The following MST1 variants were observed in gnomAD, a reference collection of about 807,000 sequenced individuals.
MST1 encodes macrophage stimulating 1, also known as hepatocyte growth factor-like protein.
Under a neutral mutation model 100.1 loss-of-function variants are expected in MST1, and 76 were observed. The ratio of observed to expected loss-of-function variants is 0.76; its 90% CI spans 0.63 to 0.92. The LOEUF is 0.92. Among genes scored for constraint, MST1 ranks in the 40% least tolerant of loss-of-function variants. The pLI is 0.00. For synonymous variants in MST1, 352 were observed against 385.4 expected, an observed-to-expected ratio of 0.91 and a Z score of 1.01; for missense variants, 850 against 990.0, an observed-to-expected ratio of 0.86 and a Z score of 1.90.
chr3:49,689,032 G>C lies in MST1; in HGVS notation c.-341C>G, dbSNP rs2054035947. 5.5e-6 allele frequency: 1 copy of C among 183,078 alleles called. No individual in the cohort carries two copies. Among genetic ancestry groups the C allele is most frequent in the Non-Finnish European group, 1.1e-5 (1 of 87,622 alleles). 11.3% of individuals were successfully genotyped at this position (183,078 alleles called of 1,614,324 possible). On this transcript the variant is annotated 5_prime_UTR_variant, in exon 1 of 18. Transcript: ENST00000449682. ...TTTCGGTTTTTCCCTGTAAATTGGG[G>C]AAAATTACTTGCCCCAGCTTCAACA...
rs1385538932 is a variant in MST1 at position 49,685,977 on chromosome 3, G to C, written c.1148-15C>G. On this transcript the variant is annotated splice_polypyrimidine_tract_variant and intron_variant, in intron 9 of 17. Coordinates refer to ENST00000449682, the MANE Select transcript of MST1 (RefSeq NM_020998.4). The stretch of plus-strand genomic sequence containing the variant: ...GTGGTAGCAGTCTGTGGCGGGTGCG[G>C]GCAGCCATCAGGCCGAGACCTCGCC... The C allele has an allele frequency of 6.2e-7, 1 of 1,604,400 alleles. No homozygotes were observed. The highest frequency in any genetic ancestry group is 1.7e-5 in the Admixed American group (1 of 59,458).
intron 13 of MST1, 26 bp from the exon 14 acceptor site, chr3:49,685,115 G>A (rs746068925): frequency 1.1e-5 from 18 of 1,607,582 alleles, no homozygotes; most frequent in Non-Finnish European, 1.5e-5. Flanking sequence ...ATTAGGACAG[G>A]TAACAGACTC....
chr3:49,686,405 T>A lies in MST1; in HGVS notation c.924A>T (p.Thr308=), dbSNP rs1423829378. The change falls in exon 8 of 18, where the codon ACA becomes ACT. Residue 308 remains threonine, a synonymous_variant. Coordinates refer to ENST00000449682, the MANE Select transcript of MST1 (RefSeq NM_020998.4). ...FRGKGEGYRG[T]ANTTTAGVPC... ...GTACGCCCGCAGTGGTGGTATTGGCTGTGCCCCGGTAGCCCTCACCCTTCC... is the reference window on the plus strand; with the variant it reads ...GTACGCCCGCAGTGGTGGTATTGGCAGTGCCCCGGTAGCCCTCACCCTTCC... 6.2e-7 allele frequency: 1 copy of A among 1,611,734 alleles called. No homozygotes were observed. The highest frequency in any genetic ancestry group is 8.5e-7 in the Non-Finnish European group (1 of 1,179,542).
chr3:49,686,289 G>GGGGGGGGGGGGGCCCCCCCCCCCCCC, intron 8 of MST1, 24 bp downstream of exon 8: 1 of 1,235,666 alleles, frequency 8.1e-7, no homozygotes. Context: ...ACGTCCCAAC[G>GGGGGGGGGGGGGCCCCCCCCCCCCCC]CCCGCCCCCC....
chr3:49,688,072 A>T, intron 1 of MST1, 175 bp from the exon 2 acceptor site: 1 of 1,106,430 alleles, frequency 9.0e-7, no homozygotes. Context: ...TGTGAAAAAA[A>T]TTTCCCCTGG....
chr3:49,688,614 T>C lies in MST1; in HGVS notation c.78A>G (p.Gln26=), dbSNP rs776496760. ...GGCACTTACCAGGGACCCCTAAGCA[T>C]TGAGTCAGAAGCAGCAGGAGTGGGA... ...GWLPLLLLLT[Q]CLGVPGQRSP... Residue 26 remains glutamine, a synonymous_variant, in exon 1 of 18, where the codon CAA becomes CAG. Coordinates refer to ENST00000449682, the MANE Select transcript of MST1 (RefSeq NM_020998.4). 4 of 1,612,338 alleles carry C rather than the reference T, an allele frequency of 2.5e-6. No homozygotes were observed. Among genetic ancestry groups the C allele is most frequent in the South Asian group, 2.2e-5 (2 of 90,612 alleles).
chr3:49,685,378 C>T lies in MST1; in HGVS notation c.1428G>A (p.Gln476=). ...QPPSILDPPD[Q]VQFEKCGKRV... ...TCTTGCCACACTTCTCAAACTGCAC[C>T]TGGTCTGTAGGATGGGGTGGGCTGG... Residue 476 remains glutamine (Q), a synonymous_variant, in exon 13 of 18, where the codon CAG becomes CAA. Coordinates refer to ENST00000449682, the MANE Select transcript of MST1 (RefSeq NM_020998.4). 1 of 1,613,720 alleles carries T rather than the reference C, an allele frequency of 6.2e-7. No individual in the cohort carries two copies.
Position 49,687,626 on chromosome 3 carries a change from C to T in MST1, c.285G>A (p.Leu95=). 1 of 1,613,594 alleles carries T rather than the reference C, an allele frequency of 6.2e-7. No homozygotes were observed. The highest frequency in any genetic ancestry group is 8.5e-7 in the Non-Finnish European group (1 of 1,179,874). ...TGTGGGGCGAGTGTTGAGTCCATGGCAGCAGTTGGCAACCATGGCTGCTCA... is the reference window on the plus strand; with the variant it reads ...TGTGGGGCGAGTGTTGAGTCCATGGTAGCAGTTGGCAACCATGGCTGCTCA... ...YNVSSHGCQL[L]PWTQHSPHTR... The change falls in exon 3 of 18, where the codon CTG becomes CTA. Residue 95 remains leucine (L), a synonymous_variant. Coordinates refer to ENST00000449682, the MANE Select transcript of MST1 (RefSeq NM_020998.4).
chr3:49,687,617 A>G lies in MST1; in HGVS notation c.294T>C (p.Thr98=). 1.2e-6 allele frequency: 2 copies of G among 1,613,582 alleles called. No individual in the cohort carries two copies. Among genetic ancestry groups the G allele is most frequent in the Non-Finnish European group, 1.7e-6 (2 of 1,179,870 alleles). ...SSHGCQLLPW[T]QHSPHTRLRR... is the part of the protein sequence containing the mutation. Reference sequence around the variant, plus strand: ...GCAGCCTCGTGTGGGGCGAGTGTTGAGTCCATGGCAGCAGTTGGCAACCAT... The same window carrying G: ...GCAGCCTCGTGTGGGGCGAGTGTTGGGTCCATGGCAGCAGTTGGCAACCAT... Residue 98 remains threonine (T), a synonymous_variant, in exon 3 of 18, where the codon ACT becomes ACC. Transcript: ENST00000449682.
chr3:49,686,424 C>T lies in MST1; in HGVS notation c.905G>A (p.Gly302Asp), dbSNP rs756688093. The change falls in exon 8 of 18, where the codon GGT becomes GAT. Residue 302 changes from glycine (G) to aspartate (D), a missense_variant. Around this residue, in one of 2 missense-constraint regions of MST1, gnomAD observed 816 missense variants for 924.6 expected, o/e 0.88. Coordinates refer to ENST00000449682, the MANE Select transcript of MST1 (RefSeq NM_020998.4). ...ATTVSCFRGK[G>D]EGYRGTANTT... Reference sequence around the variant, plus strand: ...ATTGGCTGTGCCCCGGTAGCCCTCACCCTTCCCGCGGAAGCAGCTGACAGT... The same window carrying T: ...ATTGGCTGTGCCCCGGTAGCCCTCATCCTTCCCGCGGAAGCAGCTGACAGT... 5.6e-6 allele frequency: 9 copies of T among 1,612,748 alleles called. No individual in the cohort carries two copies. In the East Asian group the frequency reaches 1.8e-4, roughly 32 times the overall value.
chr3:49,684,469 T>C lies in MST1; in HGVS notation c.1877-16A>G, dbSNP rs1230247681. 1.9e-6 allele frequency: 3 copies of C among 1,613,490 alleles called. No homozygotes were observed. Among genetic ancestry groups the C allele is most frequent in the Non-Finnish European group, 1.7e-6 (2 of 1,179,850 alleles). Reference sequence around the variant, plus strand: ...TTACCCGTACCTGCAGTGAGGGGAATGGGGAGAGGGAGAGGGTCCTGCAGG... The same window carrying C: ...TTACCCGTACCTGCAGTGAGGGGAACGGGGAGAGGGAGAGGGTCCTGCAGG... On this transcript the variant is annotated splice_polypyrimidine_tract_variant and intron_variant, in intron 16 of 17. Transcript: ENST00000449682.
Position 49,686,328 on chromosome 3 carries a change from T to G in MST1, c.1001A>C (p.Glu334Ala), listed in dbSNP as rs1222001252. Residue 334 changes from glutamate (E) to alanine (A), a missense_variant, in exon 8 of 18, where the codon GAA (glutamate) becomes GCA (alanine). Transcript: ENST00000449682. ...CCCACCTCACTTGCACGCGTATTTTTCTGGCGTAAATCGGTGCTGATGCGG... is the reference window on the plus strand; with the variant it reads ...CCCACCTCACTTGCACGCGTATTTTGCTGGCGTAAATCGGTGCTGATGCGG... ...QIPHQHRFTP[E>A]KYACKDLREN... The G allele has an allele frequency of 6.6e-7, 1 of 1,512,768 alleles. No homozygotes were observed. The highest frequency in any genetic ancestry group is 1.6e-5 in the African/African-American group (1 of 62,132). 93.7% of individuals were successfully genotyped at this position (1,512,768 alleles called of 1,614,324 possible). A position where few individuals can be genotyped will look rare whatever the true frequency, so the allele number is the denominator to read the frequency against.
At chr3:49,686,584 T>C (rs2053777606) in intron 7 of MST1, 100 bp downstream of exon 7, 3 of 1,553,818 alleles carry the variant, frequency 1.9e-6, no homozygotes, top group Non-Finnish European at 2.6e-6. Flanking sequence ...CCACGGGGTA[T>C]GCTCTCAGGT....
chr3:49,686,399 A>G lies in MST1; in HGVS notation c.930T>C (p.Asn310=), dbSNP rs774126252. ...GKGEGYRGTA[N]TTTAGVPCQR... is the part of the protein sequence containing the mutation. ...GGCAAGGTACGCCCGCAGTGGTGGT[A>G]TTGGCTGTGCCCCGGTAGCCCTCAC... The change falls in exon 8 of 18, where the codon AAT becomes AAC. Residue 310 remains asparagine, a synonymous_variant. Coordinates refer to ENST00000449682, the MANE Select transcript of MST1 (RefSeq NM_020998.4). 6.2e-7 allele frequency: 1 copy of G among 1,607,996 alleles called. No homozygotes were observed. Among genetic ancestry groups the G allele is most frequent in the African/African-American group, 1.4e-5 (1 of 73,278 alleles).
In MST1 at chr3:49,684,575, C is replaced by T. The variant is rs937123441; in HGVS notation, c.1851G>A (p.Glu617=). Residue 617 remains glutamate (E), a synonymous_variant, in exon 16 of 18, where the codon GAG becomes GAA. Transcript: ENST00000449682. The part of the protein sequence containing the change: ...WYVVPPGTKC[E]IAGWGETKGT... ...CTTTGGTCTCACCCCAGCCTGCAAT[C>T]TCACACTTGGTCCCTGGAGGCACCA... is the stretch of plus-strand genomic sequence containing the variant. The T allele has an allele frequency of 6.2e-7, 1 of 1,613,702 alleles. No homozygotes were observed.
In MST1 at chr3:49,685,602, G is replaced by T. The variant is rs774954638; in HGVS notation, c.1381C>A (p.Arg461Ser). 1.2e-5 allele frequency: 19 copies of T among 1,613,236 alleles called. No homozygotes were observed. In the South Asian group the frequency reaches 2.1e-4, roughly 18 times the overall value. Reference sequence around the variant, plus strand: ...AAGCGTCACTAGTGCTCACCGCAGCGTCGCAGGGCACAGTAGTCGAATGGG... The same window carrying T: ...AAGCGTCACTAGTGCTCACCGCAGCTTCGCAGGGCACAGTAGTCGAATGGG... ...RTPFDYCALRRCADDQPPSIL... is the reference protein window; with the variant it reads ...RTPFDYCALRSCADDQPPSIL... The change falls in exon 11 of 18, where the codon CGC (arginine) becomes AGC (serine). Residue 461 changes from arginine to serine, a missense_variant. Physicochemically the swap from Arg to Ser is moderately radical, Grantham distance 110. Transcript: ENST00000449682.
chr3:49,684,280 C>A, intron 17 of MST1, 34 bp downstream of exon 17: 7 of 1,612,028 alleles, frequency 4.3e-6, no homozygotes, highest in Non-Finnish European at 5.9e-6. Context: ...CCCCCCATAC[C>A]CTTCCAGGGC....
rs757309959 is a variant in MST1 at position 49,687,549 on chromosome 3, C to A, written c.355+7G>T. ...CTCCCACCCTGCCCCTCTCCACCCC[C>A]ACTTGCCTTTCTTCTGGAAGAGGTC... On this transcript the variant is annotated splice_region_variant and intron_variant, in intron 3 of 17. Coordinates refer to ENST00000449682, the MANE Select transcript of MST1 (RefSeq NM_020998.4). 8.1e-6 allele frequency: 13 copies of A among 1,613,518 alleles called. No individual in the cohort carries two copies. The highest frequency in any genetic ancestry group is 1.7e-5 in the Admixed American group (1 of 60,026).
rs778609573 is a variant in MST1, at chr3:49,686,207, C to T, written c.1017-15G>A. ...CCCGAAGGTCTCTAAGCAGGCGCTC[C>T]ACTCAGCCCTAGCCCGCCAGCCTCC... On this transcript the variant is annotated splice_polypyrimidine_tract_variant and intron_variant, in intron 8 of 17. Transcript: ENST00000449682. 41 of 1,610,808 alleles carry T rather than the reference C, an allele frequency of 2.5e-5. No homozygotes were observed. The highest frequency in any genetic ancestry group is 8.3e-5 in the Admixed American group (5 of 59,924).
Sources: allele counts gnomAD v4.1 joint callset, GRCh38; gene constraint gnomAD v4.1.1; regional missense constraint gnomAD v4.1.1; transcripts MANE v1.5; gene names NCBI Gene and HGNC (gene_info 2026-07-23, HGNC 2026-07-21).